Variants in RNGTT observed in about 807,000 individuals in gnomAD.
The protein encoded by RNGTT is mRNA-capping enzyme.
A neutral mutation model predicts 79.3 loss-of-function variants in RNGTT; 33 were observed. The ratio of observed to expected loss-of-function variants is 0.42; its 90% CI spans 0.32 to 0.56. The LOEUF (loss-of-function observed/expected upper bound fraction) is 0.56, where lower values mean the gene tolerates loss of function less well. Ranked by LOEUF, RNGTT falls within the 20% of genes least tolerant of loss-of-function variation. The pLI, the probability that RNGTT is intolerant of heterozygous loss-of-function variation, is 0.17. For synonymous variants in RNGTT, 222 were observed against 235.9 expected, an observed-to-expected ratio of 0.94 and a Z score of 0.54; for missense variants, 497 against 739.1, an observed-to-expected ratio of 0.67 and a Z score of 3.80.
chr6:88,853,561 C>A, intron 9 of RNGTT, 68 bp downstream of exon 9: 44 of 881,616 alleles, frequency 5.0e-5, no homozygotes, highest in South Asian at 1.3e-4. Context: ...AACAGAAATA[C>A]ACATTTACTT....
At chr6:88,728,123 G>A (rs909412052) in intron 13 of RNGTT, among the ~76,000 whole-genome samples, 12 of 152,132 alleles carry the variant, frequency 7.9e-5, no homozygotes, top group Non-Finnish European at 1.2e-4. Flanking sequence ...CCAAACTAAA[G>A]CTAAGAAAAA....
Position 88,612,673 on chromosome 6 carries a change from T to G in RNGTT, c.*46A>C, listed in dbSNP as rs1285470835. 15 of 1,571,432 alleles carry G rather than the reference T, an allele frequency of 9.5e-6. No homozygotes were observed. In the East Asian group the frequency reaches 3.4e-4, roughly 36 times the overall value. ...GCTACAAAAATGGGCAACAGCGTTT[T>G]TTCCTCATTCCTCTTTCTTCTTAAC... On this transcript the variant is annotated 3_prime_UTR_variant, in exon 16 of 16. Transcript: ENST00000369485.
At chr6:88,670,937 C>G (rs1774615740) in intron 14 of RNGTT, among the ~76,000 whole-genome samples, 1 of 152,130 alleles carries the variant, frequency 6.6e-6, no homozygotes, top group Non-Finnish European at 1.5e-5. Flanking sequence ...TTGTCTGTGA[C>G]TGTTCCTGCT....
Position 88,679,347 on chromosome 6 carries a change from AACTT to A in RNGTT, c.1440-932_1440-929del, listed in dbSNP as rs1273461248. On this transcript the variant is annotated intron_variant, in intron 13 of 15. Transcript: ENST00000369485. ...CAAAGAGTGGGTACACAAAGGGAGAAACTTACACAATGTCCTGAGAAAAAGATTT... is the reference window on the plus strand; with the variant it reads ...CAAAGAGTGGGTACACAAAGGGAGAAACACAATGTCCTGAGAAAAAGATTT... Among the ~76,000 whole-genome samples the A allele has an allele frequency of 3.3e-5, 5 of 152,308 alleles. No homozygotes were observed. In the South Asian group the frequency reaches 1.0e-3, roughly 32 times the overall value.
chr6:88,937,956 T>C (rs1180988269), intron 2 of RNGTT, among the ~76,000 whole-genome samples: 1 of 152,238 alleles, frequency 6.6e-6, no homozygotes, highest in Non-Finnish European at 1.5e-5. Flanking sequence ...TCCTAACATA[T>C]GGTCTATCCT....
At chr6:88,664,414 G>A (rs1774311967) in intron 14 of RNGTT, among the ~76,000 whole-genome samples, 1 of 152,186 alleles carries the variant, frequency 6.6e-6, no homozygotes, top group Non-Finnish European at 1.5e-5. Context: ...AACGGGCTGG[G>A]TTTGCAGGTA....
chr6:88,767,678 CAAAAAAAAAAAA>C (rs58712575), intron 13 of RNGTT, among the ~76,000 whole-genome samples: 3,588 of 83,626 alleles, frequency 0.043, 150 homozygotes, highest in African/African-American at 0.13. Context: ...TCACTTGTGT[CAAAAAAAAAAAA>C]AAAAAAAAAA....
At chr6:88,715,733 T>C (rs2127809934) in intron 13 of RNGTT, among the ~76,000 whole-genome samples, 1 of 152,306 alleles carries the variant, frequency 6.6e-6, no homozygotes, top group South Asian at 2.1e-4. Flanking sequence ...CCCTATTTAA[T>C]AAATGGTGCT....
chr6:88,789,035 C>A (rs1471085797), intron 12 of RNGTT, among the ~76,000 whole-genome samples: 1 of 152,140 alleles, frequency 6.6e-6, no homozygotes, highest in African/African-American at 2.4e-5. Context: ...TTCTCCTAAG[C>A]TGGTTTTTGG....
chr6:88,647,517 T>C (rs559757278), intron 14 of RNGTT, among the ~76,000 whole-genome samples: 1 of 151,776 alleles, frequency 6.6e-6, no homozygotes, highest in African/African-American at 2.4e-5. Context: ...AGCCAGGAAT[T>C]TGAGACCAGC....
At chr6:88,835,727 T>TTA (rs1252529213) in intron 11 of RNGTT, among the ~76,000 whole-genome samples, 4 of 152,138 alleles carry the variant, frequency 2.6e-5, no homozygotes, top group Non-Finnish European at 5.9e-5. Context: ...CCAAAACATC[T>TTA]ACTAAAATGC....
intron 13 of RNGTT, among the ~76,000 whole-genome samples, chr6:88,740,022 A>G (rs1777431628): frequency 6.6e-6 from 1 of 151,990 alleles, no homozygotes; most frequent in African/African-American, 2.4e-5. Flanking sequence ...CAAAGATATC[A>G]TCCTACTCTT....
Position 88,769,760 on chromosome 6 carries a change from A to C in RNGTT, c.1439+14T>G. On this transcript the variant is annotated intron_variant, in intron 13 of 15. Coordinates refer to ENST00000369485, the MANE Select transcript of RNGTT (RefSeq NM_003800.5). Reference sequence around the variant, plus strand: ...GTATTATTTCATGCAAAAAGTACAAAAGTGCATACTTACCCTTCTCCTCCC... The same window carrying C: ...GTATTATTTCATGCAAAAAGTACAACAGTGCATACTTACCCTTCTCCTCCC... 6.5e-7 allele frequency: 1 copy of C among 1,532,370 alleles called. No homozygotes were observed. The allele number at this position is 1,532,370 out of a possible 1,614,324, so 94.9% of individuals were successfully genotyped here. A position where few individuals can be genotyped will look rare whatever the true frequency, so the allele number is the denominator to read the frequency against.
intron 4 of RNGTT, among the ~76,000 whole-genome samples, chr6:88,913,141 G>C (rs995122013): frequency 6.7e-6 from 1 of 149,590 alleles, no homozygotes. Context: ...GGAGGCAGAG[G>C]TTGCAGTGGG....
intron 11 of RNGTT, among the ~76,000 whole-genome samples, chr6:88,813,480 G>C (rs1780209657): frequency 6.6e-6 from 1 of 152,138 alleles, no homozygotes; most frequent in African/African-American, 2.4e-5. Flanking sequence ...TAGTCGACTT[G>C]CAATAAAAAG....
intron 14 of RNGTT, among the ~76,000 whole-genome samples, chr6:88,659,040 T>G (rs1004122325): frequency 1.3e-5 from 2 of 152,208 alleles, no homozygotes; most frequent in African/African-American, 4.8e-5. Context: ...TAAACTCCCC[T>G]TCATATATAC....
At chr6:88,671,743 G>C (rs1344659972) in intron 14 of RNGTT, among the ~76,000 whole-genome samples, 4 of 152,154 alleles carry the variant, frequency 2.6e-5, no homozygotes, top group Non-Finnish European at 4.4e-5. Flanking sequence ...CATGGTCCTG[G>C]TATAAAAACA....
At chr6:88,924,427 G>C (rs1784256197) in intron 4 of RNGTT, among the ~76,000 whole-genome samples, 1 of 152,150 alleles carries the variant, frequency 6.6e-6, no homozygotes, top group African/African-American at 2.4e-5. Context: ...TGGTGTATAA[G>C]ATATCTTCAT....
intron 4 of RNGTT, among the ~76,000 whole-genome samples, chr6:88,915,566 T>G (rs1166602421): frequency 6.6e-6 from 1 of 152,160 alleles, no homozygotes; most frequent in Non-Finnish European, 1.5e-5. Context: ...AGCTAAATTT[T>G]GGGTACACAC....
Sources: gnomAD v4.1 joint callset for allele counts (sites outside exome capture counted in the v4.1 genomes callset) on GRCh38, gnomAD v4.1.1 for gene constraint, MANE v1.5 for transcripts, NCBI Gene and HGNC (gene_info 2026-07-23, HGNC 2026-07-21) for gene names.